Variants in UNC5D observed in about 807,000 individuals in gnomAD.
UNC5D encodes netrin receptor UNC5D.
Under a neutral mutation model 105.4 loss-of-function variants are expected in UNC5D, and 39 were observed. The observed-to-expected ratio is 0.37, with a 90% confidence interval of 0.29 to 0.48. The LOEUF (loss-of-function observed/expected upper bound fraction) is 0.48, where lower values mean the gene tolerates loss of function less well. Among genes scored for constraint, UNC5D ranks in the 20% least tolerant of loss-of-function variants. The probability of loss-of-function intolerance (pLI) is 0.98; values close to 1 mark genes in which losing one functional copy is unlikely to be tolerated. For missense variants in UNC5D, 991 were observed against 1,202.4 expected, an observed-to-expected ratio of 0.82 and a Z score of 2.60; for synonymous variants, 452 against 450.4, an observed-to-expected ratio of 1.00 and a Z score of -0.04.
chr8:35,587,176 T>C (rs1010611079), intron 3 of UNC5D, among the ~76,000 whole-genome samples: 5 of 152,080 alleles, frequency 3.3e-5, no homozygotes, highest in Non-Finnish European at 5.9e-5. Flanking sequence ...ATTGTGGGTC[T>C]TGTTGGCATT....
At chr8:35,307,229 G>T (rs1014632192) in intron 1 of UNC5D, among the ~76,000 whole-genome samples, 1 of 152,168 alleles carries the variant, frequency 6.6e-6, no homozygotes, top group African/African-American at 2.4e-5. Context: ...CCGCAGGTTG[G>T]ACCAGCTTGG....
At position 35,286,981 on chromosome 8, in the gene UNC5D, C is replaced by T. The variant is rs115163256; in HGVS notation, c.103+51094C>T. ...AGCCTCACCTGATGGCAAAGTTCAGCTAGTGGTTTCACTGATCACAGAGCA... is the reference window on the plus strand; with the variant it reads ...AGCCTCACCTGATGGCAAAGTTCAGTTAGTGGTTTCACTGATCACAGAGCA... On this transcript the variant is annotated intron_variant, in intron 1 of 16. Coordinates refer to ENST00000404895, the MANE Select transcript of UNC5D (RefSeq NM_080872.4). Among the ~76,000 whole-genome samples the T allele has an allele frequency of 3.9e-3, 590 of 152,318 alleles. 2 individuals carry two copies. Among genetic ancestry groups the T allele is most frequent in the African/African-American group, 0.014 (564 of 41,564 alleles).
intron 1 of UNC5D, among the ~76,000 whole-genome samples, chr8:35,462,303 TTAAC>T (rs1244764125): frequency 6.6e-5 from 10 of 152,114 alleles, no homozygotes; most frequent in Non-Finnish European, 7.4e-5. Flanking sequence ...TATTTTCTCT[TTAAC>T]TACTAAAATT....
chr8:35,342,425 A>G (rs146088676), intron 1 of UNC5D, among the ~76,000 whole-genome samples: 260 of 152,194 alleles, frequency 1.7e-3, no homozygotes, highest in Non-Finnish European at 2.2e-3. Context: ...GTGTGGGAAA[A>G]CAGGGATTCA....
intron 4 of UNC5D, among the ~76,000 whole-genome samples, chr8:35,599,795 T>C (rs1313216033): frequency 6.6e-6 from 1 of 152,136 alleles, no homozygotes; most frequent in Non-Finnish European, 1.5e-5. Context: ...AATAAAAATA[T>C]ATTTTCTTTT....
At chr8:35,572,275 CAAAAAAAAAAAAA>C in intron 3 of UNC5D, among the ~76,000 whole-genome samples, 1 of 72,466 alleles carries the variant, frequency 1.4e-5, no homozygotes, top group Non-Finnish European at 2.4e-5. Flanking sequence ...GCGAGACTGT[CAAAAAAAAAAAAA>C]AAAAAAAAAA....
chr8:35,753,399 G>C (rs1830376888), intron 13 of UNC5D, among the ~76,000 whole-genome samples: 1 of 152,030 alleles, frequency 6.6e-6, no homozygotes, highest in African/African-American at 2.4e-5. Flanking sequence ...CTCCTGAGTA[G>C]CTGAGACTAC....
In UNC5D at chr8:35,431,819, C is replaced by T. The variant is rs1011370037; in HGVS notation, c.104-117473C>T. ...GTGTGTTTGCTTTCCAAACCTAATA[C>T]AGTGTAATATTTAAAAGTAATTTAT... On this transcript the variant is annotated intron_variant, in intron 1 of 16. Coordinates refer to ENST00000404895, the MANE Select transcript of UNC5D (RefSeq NM_080872.4). Among the ~76,000 whole-genome samples the T allele has an allele frequency of 1.1e-4, 16 of 152,070 alleles. 1 individual carries two copies. The highest frequency in any genetic ancestry group is 3.1e-4 in the African/African-American group (13 of 41,510).
intron 1 of UNC5D, among the ~76,000 whole-genome samples, chr8:35,391,870 A>G (rs1023098514): frequency 1.3e-5 from 2 of 152,156 alleles, no homozygotes; most frequent in African/African-American, 4.8e-5. Flanking sequence ...TCTTGCTGAT[A>G]AGTAACCTAT....
chr8:35,272,546 C>T lies in UNC5D; in HGVS notation c.103+36659C>T, dbSNP rs10481047. 3.5e-3 allele frequency among the ~76,000 whole-genome samples: 530 copies of T among 152,280 alleles called. 2 individuals are homozygous for T. The highest frequency in any genetic ancestry group is 0.012 in the African/African-American group (506 of 41,552). On this transcript the variant is annotated intron_variant, in intron 1 of 16. Transcript: ENST00000404895. ...TGCCCGGGACTTGAACACTGCTCTG[C>T]CCTGCTTTCATCCCCAATGTCACCT...
chr8:35,608,278 G>A (rs1820444622), intron 4 of UNC5D, among the ~76,000 whole-genome samples: 1 of 152,190 alleles, frequency 6.6e-6, no homozygotes, highest in African/African-American at 2.4e-5. Flanking sequence ...TGGGGCTTTA[G>A]GGTAGTTTAA....
chr8:35,677,096 C>T (rs140592844), intron 4 of UNC5D, among the ~76,000 whole-genome samples: 17 of 152,130 alleles, frequency 1.1e-4, no homozygotes, highest in East Asian at 3.9e-4. Flanking sequence ...ACAGGTCTTG[C>T]GGTCTACGTT....
chr8:35,750,676 C>T lies in UNC5D; in HGVS notation c.2030C>T (p.Ala677Val), dbSNP rs776038058. The change falls in exon 13 of 17, where the codon GCG becomes GTG. Residue 677 changes from alanine to valine, a missense_variant. Coordinates refer to ENST00000404895, the MANE Select transcript of UNC5D (RefSeq NM_080872.4). ...HVLLDSFGTY[A>V]LTGEPITDCA... ...CTCCTGGACAGCTTTGGGACCTATG[C>T]GCTCACTGGAGAGCCAATCACAGAC... 1.1e-5 allele frequency: 17 copies of T among 1,614,004 alleles called. No homozygotes were observed. Among genetic ancestry groups the T allele is most frequent in the Admixed American group, 3.3e-5 (2 of 59,990 alleles).
chr8:35,612,935 G>C (rs1048915565), intron 4 of UNC5D, among the ~76,000 whole-genome samples: 5 of 152,064 alleles, frequency 3.3e-5, no homozygotes, highest in Non-Finnish European at 7.4e-5. Context: ...TTAGGTCCCT[G>C]CAGTCAGGTG....
At chr8:35,260,314 T>C (rs746393137) in intron 1 of UNC5D, among the ~76,000 whole-genome samples, 13 of 152,106 alleles carry the variant, frequency 8.5e-5, no homozygotes, top group Non-Finnish European at 1.9e-4. Context: ...ATATTTTACC[T>C]AGTGAGGTGC....
At chr8:35,383,358 T>A (rs1041415317) in intron 1 of UNC5D, among the ~76,000 whole-genome samples, 3 of 152,180 alleles carry the variant, frequency 2.0e-5, no homozygotes, top group African/African-American at 7.2e-5. Context: ...CGTAATATAG[T>A]AATTAGATCA....
chr8:35,512,539 GTA>G (rs71215633), intron 1 of UNC5D, among the ~76,000 whole-genome samples: 1,026 of 40,220 alleles, frequency 0.026, 68 homozygotes, highest in African/African-American at 0.073. Context: ...AGATATGTAT[GTA>G]TATATATATA....
chr8:35,623,643 G>C (rs1056773598), intron 4 of UNC5D, among the ~76,000 whole-genome samples: 1 of 152,124 alleles, frequency 6.6e-6, no homozygotes, highest in Non-Finnish European at 1.5e-5. Context: ...GATTAGACAA[G>C]TGTTGCCAAC....
chr8:35,302,620 A>C (rs542590238), intron 1 of UNC5D, among the ~76,000 whole-genome samples: 1 of 152,302 alleles, frequency 6.6e-6, no homozygotes, highest in East Asian at 1.9e-4. Flanking sequence ...AAATGAGTTA[A>C]ATTTCTTTTA....
Sources: allele counts gnomAD v4.1 joint callset (sites outside exome capture counted in the v4.1 genomes callset), GRCh38; gene constraint gnomAD v4.1.1; transcripts MANE v1.5; gene names NCBI Gene and HGNC (gene_info 2026-07-23, HGNC 2026-07-21).